The following HEATR4 variants were observed in gnomAD, a reference collection of about 807,000 sequenced individuals.
HEATR4 encodes the protein HEAT repeat-containing protein 4.
HEATR4 carries 95 observed loss-of-function variants against 108.8 expected under a neutral mutation model. The ratio of observed to expected loss-of-function variants is 0.87; its 90% CI spans 0.74 to 1.04. The LOEUF (loss-of-function observed/expected upper bound fraction) is 1.04. Among genes scored for constraint, HEATR4 ranks in the 50% least tolerant of loss-of-function variants. The probability of loss-of-function intolerance (pLI) is 0.00; values close to 1 mark genes in which losing one functional copy is unlikely to be tolerated. For synonymous variants in HEATR4, 443 were observed against 459.4 expected, an observed-to-expected ratio of 0.96 and a Z score of 0.46; for missense variants, 1,152 against 1,253.8, an observed-to-expected ratio of 0.92 and a Z score of 1.23.
At chr14:73,560,682 T>G (rs1595165327), upstream of HEATR4, among the ~76,000 whole-genome samples, 2 of 143,616 alleles carry the variant, frequency 1.4e-5, no homozygotes, top group Middle Eastern at 3.6e-3. Flanking sequence ...AAAAAGAAAA[T>G]TAAATACTAA....
the HEATR4 span, among the ~76,000 whole-genome samples, chr14:73,568,319 A>G: frequency 2.6e-5 from 4 of 151,468 alleles, no homozygotes; most frequent in African/African-American, 9.7e-5. Flanking sequence ...AATCAGGTAC[A>G]AGGGCTTGGC....
chr14:73,523,913 C>T (rs1455448349), intron 2 of HEATR4, among the ~76,000 whole-genome samples: 1 of 152,136 alleles, frequency 6.6e-6, no homozygotes, highest in Non-Finnish European at 1.5e-5. Context: ...AATTCCATTG[C>T]CCAGTGACCA....
chr14:73,619,178 C>A, the HEATR4 span: 3 of 1,509,690 alleles, frequency 2.0e-6, no homozygotes, highest in Non-Finnish European at 2.6e-6. Context: ...AAATCACTGT[C>A]TGTGTCCTCC....
the HEATR4 span, among the ~76,000 whole-genome samples, chr14:73,588,285 C>G: frequency 6.6e-6 from 1 of 152,300 alleles, no homozygotes; most frequent in East Asian, 1.9e-4. Context: ...CAGGCATGAG[C>G]CACCGAGCCC....
chr14:73,631,588 G>A, the HEATR4 span: 64 of 163,430 alleles, frequency 3.9e-4, no homozygotes, highest in Non-Finnish European at 5.7e-4. Context: ...GCATGCTCCC[G>A]GGGCCCTAAC....
chr14:73,615,423 A>AAC, the HEATR4 span, among the ~76,000 whole-genome samples: 1 of 141,864 alleles, frequency 7.0e-6, no homozygotes, highest in African/African-American at 2.7e-5. Context: ...AACAAAAAAA[A>AAC]CCAGCAACAA....
intron 13 of HEATR4, 37 bp from the exon 14 acceptor site, chr14:73,498,381 G>A: frequency 1.3e-6 from 2 of 1,525,522 alleles, no homozygotes; most frequent in Non-Finnish European, 1.8e-6. Flanking sequence ...ACTGAAGACT[G>A]AGCTTACTAT....
intron 9 of HEATR4, among the ~76,000 whole-genome samples, chr14:73,506,802 C>CTTTTTTTTTTTTTTTTTTT (rs1470976246): frequency 2.6e-4 from 15 of 58,016 alleles, no homozygotes; most frequent in East Asian, 1.8e-3. Flanking sequence ...CTGACTTTAA[C>CTTTTTTTTTTTTTTTTTTT]TGTTTTTTTT....
rs759776638 is a variant in HEATR4, at chr14:73,491,046, C to G, written c.2844+2020G>C. ...GATGGGCTCCAGGCCAGTGCAGGGC[C>G]GTTGAGGCGCGGGCGGCCGAAGCGC... On this transcript the variant is annotated intron_variant, in intron 17 of 17. Transcript: ENST00000553558. 1.6e-5 allele frequency: 26 copies of G among 1,586,916 alleles called. No homozygotes were observed. In the African/African-American group the frequency reaches 3.3e-4, roughly 20 times the overall value.
the HEATR4 span, chr14:73,592,387 G>T: frequency 6.4e-7 from 1 of 1,552,044 alleles, no homozygotes; most frequent in East Asian, 2.4e-5. Context: ...CGAGCGGGCC[G>T]GGTGCGCGCC....
chr14:73,562,390 T>C (rs1020604434), upstream of HEATR4, among the ~76,000 whole-genome samples: 5 of 152,128 alleles, frequency 3.3e-5, no homozygotes, highest in Non-Finnish European at 5.9e-5. Context: ...ACTGTGATAA[T>C]TGTGTTAACT....
the HEATR4 span, among the ~76,000 whole-genome samples, chr14:73,625,248 C>T: frequency 2.6e-5 from 4 of 151,884 alleles, no homozygotes; most frequent in African/African-American, 9.7e-5. Context: ...TTAGTAGAGA[C>T]GGAGTTTCAC....
At chr14:73,509,862 A>ATATT (rs1887120453) in intron 7 of HEATR4, among the ~76,000 whole-genome samples, 1 of 63,216 alleles carries the variant, frequency 1.6e-5, no homozygotes, top group African/African-American at 6.8e-5. Context: ...ATATATATAT[A>ATATT]TATATATTTA....
chr14:73,519,163 T>C lies in HEATR4; in HGVS notation c.1070A>G (p.Asp357Gly). ...AATCTGGTGGATGATCTGGACTTCA[T>C]CTGTGAACAGACAAAGAAACAATGA... is the stretch of plus-strand genomic sequence containing the variant. ...DNTFEQEIYFDEVQIIHQIGA... is the reference protein window; with the variant it reads ...DNTFEQEIYFGEVQIIHQIGA... Residue 357 changes from aspartate to glycine, a missense_variant and splice_region_variant, in exon 5 of 18, where the codon GAT (aspartate) becomes GGT (glycine). By Grantham distance (94) the Asp-to-Gly change is moderately conservative (BLOSUM62 -1). Coordinates refer to ENST00000553558, the MANE Select transcript of HEATR4 (RefSeq NM_001220484.1). 1 of 1,611,356 alleles carries C rather than the reference T, an allele frequency of 6.2e-7. No homozygotes were observed. The highest frequency in any genetic ancestry group is 8.5e-7 in the Non-Finnish European group (1 of 1,178,842).
intron 12 of HEATR4, 50 bp downstream of exon 12, chr14:73,500,500 G>A (rs1304833442): frequency 6.4e-7 from 1 of 1,558,018 alleles, no homozygotes; most frequent in African/African-American, 1.3e-5. Flanking sequence ...GGAAGGTAAT[G>A]CCCTCTTCAG....
chr14:73,525,761 T>C (rs1019906163), intron 2 of HEATR4, among the ~76,000 whole-genome samples: 1 of 152,122 alleles, frequency 6.6e-6, no homozygotes, highest in Non-Finnish European at 1.5e-5. Context: ...AAGACTGGCC[T>C]GGCCAACATG....
At chr14:73,563,576 T>C (rs552076719), upstream of HEATR4, among the ~76,000 whole-genome samples, 10 of 151,778 alleles carry the variant, frequency 6.6e-5, no homozygotes, top group South Asian at 6.3e-4. Flanking sequence ...GCCTGGGGGA[T>C]AGAGCGAGAC....
the HEATR4 span, chr14:73,595,885 G>A: frequency 2.5e-6 from 1 of 392,876 alleles, no homozygotes; most frequent in Admixed American, 4.2e-5. Context: ...ATTCCCACCA[G>A]TTAACATTTG....
the HEATR4 span, chr14:73,575,652 G>A: frequency 2.1e-6 from 3 of 1,438,474 alleles, no homozygotes; most frequent in African/African-American, 2.9e-5. Context: ...GAATTTACCA[G>A]TAAGAATGAG....
Sources: gnomAD v4.1 joint callset for allele counts (sites outside exome capture counted in the v4.1 genomes callset) on GRCh38, gnomAD v4.1.1 for gene constraint, MANE v1.5 for transcripts, NCBI Gene and HGNC (gene_info 2026-07-23, HGNC 2026-07-21) for gene names.